The following ZNF385D variants were observed in gnomAD, a reference collection of about 807,000 sequenced individuals.
The protein encoded by ZNF385D is zinc finger protein 659.
In ZNF385D, 15 loss-of-function variants were observed where a neutral mutation model predicts 35.8. That is an observed-to-expected ratio of 0.42 (90% CI 0.28 to 0.64). The LOEUF (loss-of-function observed/expected upper bound fraction) is 0.64, where lower values mean the gene tolerates loss of function less well. Ranked by LOEUF, ZNF385D falls within the 30% of genes least tolerant of loss-of-function variation. The pLI, the probability that ZNF385D is intolerant of heterozygous loss-of-function variation, is 0.23. For missense variants in ZNF385D, 474 were observed against 494.6 expected, an observed-to-expected ratio of 0.96 and a Z score of 0.39; for synonymous variants, 212 against 186.8, an observed-to-expected ratio of 1.13 and a Z score of -1.10.
At chr3:22,151,881 G>A (rs953005023) in intron 3 of ZNF385D, among the ~76,000 whole-genome samples, 2 of 152,006 alleles carry the variant, frequency 1.3e-5, no homozygotes, top group Admixed American at 1.3e-4. Context: ...TAGGTTTAGG[G>A]GTACATGTGC....
chr3:21,799,706 C>T (rs2072312675), intron 3 of ZNF385D, among the ~76,000 whole-genome samples: 1 of 152,006 alleles, frequency 6.6e-6, no homozygotes, highest in African/African-American at 2.4e-5. Flanking sequence ...ATACTTTCTC[C>T]CTTTCTGTAG....
At chr3:21,477,123 A>G (rs1238479801) in intron 4 of ZNF385D, among the ~76,000 whole-genome samples, 1 of 152,144 alleles carries the variant, frequency 6.6e-6, no homozygotes, top group African/African-American at 2.4e-5. Flanking sequence ...TGTCCTATTA[A>G]CATTCCCAGT....
chr3:22,201,638 C>G (rs1411072286), intron 2 of ZNF385D, among the ~76,000 whole-genome samples: 1 of 151,938 alleles, frequency 6.6e-6, no homozygotes, highest in Non-Finnish European at 1.5e-5. Context: ...TGTTTAAGTT[C>G]TATCAGATGT....
At chr3:21,784,150 G>A (rs910393843) in intron 3 of ZNF385D, among the ~76,000 whole-genome samples, 1 of 152,114 alleles carries the variant, frequency 6.6e-6, no homozygotes, top group Non-Finnish European at 1.5e-5. Flanking sequence ...TGGAAGAGAA[G>A]TCTGCCAAGA....
chr3:22,188,328 C>T (rs939902596), intron 2 of ZNF385D, among the ~76,000 whole-genome samples: 1 of 152,126 alleles, frequency 6.6e-6, no homozygotes, highest in African/African-American at 2.4e-5. Flanking sequence ...GTATTTCGTG[C>T]TAAATCCTAC....
chr3:21,892,519 T>A (rs1559729454), intron 3 of ZNF385D, among the ~76,000 whole-genome samples: 1 of 152,210 alleles, frequency 6.6e-6, no homozygotes, highest in African/African-American at 2.4e-5. Context: ...ATTACTGATT[T>A]GGTAAAACTC....
chr3:22,094,229 T>TC (rs1559363903), intron 3 of ZNF385D, among the ~76,000 whole-genome samples: 2 of 151,492 alleles, frequency 1.3e-5, no homozygotes, highest in South Asian at 4.2e-4. Flanking sequence ...AAGTAGCATT[T>TC]TTTTTTCAAA....
At chr3:22,285,905 C>G (rs1050797486) in intron 2 of ZNF385D, among the ~76,000 whole-genome samples, 1 of 151,984 alleles carries the variant, frequency 6.6e-6, no homozygotes, top group African/African-American at 2.4e-5. Flanking sequence ...TATGCCAAAC[C>G]GTATTCTGAG....
chr3:21,979,804 C>G (rs1694317647), intron 3 of ZNF385D: 1 of 148,848 alleles, frequency 6.7e-6, no homozygotes, highest in Non-Finnish European at 1.5e-5. Flanking sequence ...CTTGCCTTCA[C>G]CAAATGAACT....
intron 2 of ZNF385D, among the ~76,000 whole-genome samples, chr3:21,565,377 T>A (rs1040067074): frequency 2.3e-4 from 35 of 152,216 alleles, no homozygotes; most frequent in African/African-American, 7.9e-4. Flanking sequence ...CCAGCTCTGA[T>A]AAAGTTTAGT....
chr3:22,192,226 G>A (rs144232474), intron 2 of ZNF385D, among the ~76,000 whole-genome samples: 6 of 152,146 alleles, frequency 3.9e-5, no homozygotes, highest in Non-Finnish European at 7.3e-5. Context: ...TTCAGATGCT[G>A]AGAGTTGCTT....
intron 3 of ZNF385D, among the ~76,000 whole-genome samples, chr3:21,515,378 A>G (rs1055028250): frequency 2.6e-5 from 4 of 152,246 alleles, no homozygotes; most frequent in African/African-American, 7.2e-5. Flanking sequence ...TATTATAAGC[A>G]TATATATCCA....
chr3:22,233,957 C>T (rs530941494), intron 2 of ZNF385D, among the ~76,000 whole-genome samples: 1 of 152,206 alleles, frequency 6.6e-6, no homozygotes, highest in African/African-American at 2.4e-5. Flanking sequence ...ACTCTTCTAT[C>T]TCCTAATCTG....
intron 4 of ZNF385D, among the ~76,000 whole-genome samples, chr3:21,460,217 G>A (rs887865298): frequency 1.3e-5 from 2 of 152,040 alleles, no homozygotes; most frequent in African/African-American, 2.4e-5. Context: ...TAAAATTCAA[G>A]TATTGTTTAG....
intron 2 of ZNF385D, among the ~76,000 whole-genome samples, chr3:21,636,378 T>TTATATATATATGATTA (rs1553627917): frequency 4.8e-4 from 23 of 47,974 alleles, no homozygotes; most frequent in Non-Finnish European, 7.2e-4. Context: ...ATATATATGA[T>TTATATATATATGATTA]TATATATATA....
chr3:22,077,743 C>T (rs150025328), intron 3 of ZNF385D, among the ~76,000 whole-genome samples: 1 of 152,022 alleles, frequency 6.6e-6, no homozygotes, highest in Non-Finnish European at 1.5e-5. Flanking sequence ...TACATAATTT[C>T]TACCTTAGAA....
intron 2 of ZNF385D, among the ~76,000 whole-genome samples, chr3:22,203,441 C>G (rs1194653879): frequency 6.6e-6 from 1 of 152,104 alleles, no homozygotes; most frequent in Non-Finnish European, 1.5e-5. Flanking sequence ...GTGGTGGCTA[C>G]AAGGAGAGAT....
chr3:22,263,586 T>C (rs1242522704), intron 2 of ZNF385D, among the ~76,000 whole-genome samples: 1 of 151,958 alleles, frequency 6.6e-6, no homozygotes, highest in Non-Finnish European at 1.5e-5. Context: ...GGCAAAAGTT[T>C]TGTCCGTATT....
intron 3 of ZNF385D, among the ~76,000 whole-genome samples, chr3:21,877,457 C>T (rs1240976340): frequency 6.6e-6 from 1 of 152,080 alleles, no homozygotes; most frequent in Non-Finnish European, 1.5e-5. Context: ...AGGATGACAG[C>T]AGTGTCACAC....
Sources: allele counts gnomAD v4.1 joint callset (sites outside exome capture counted in the v4.1 genomes callset), GRCh38; gene constraint gnomAD v4.1.1; transcripts MANE v1.5; gene names NCBI Gene and HGNC (gene_info 2026-07-23, HGNC 2026-07-21).